The following RBFOX1 variants were observed in gnomAD, a reference collection of about 807,000 sequenced individuals.
RBFOX1 encodes the protein RNA binding fox-1 homolog 1.
Under a neutral mutation model 57.7 loss-of-function variants are expected in RBFOX1, and 8 were observed. That is an observed-to-expected ratio of 0.14 (90% CI 0.08 to 0.25). RBFOX1 has a LOEUF of 0.25. Ranked by LOEUF, RBFOX1 falls within the 10% of genes least tolerant of loss-of-function variation. RBFOX1 has a pLI of 1.00. For synonymous variants in RBFOX1, 326 were observed against 222.4 expected, an observed-to-expected ratio of 1.47 and a Z score of -4.15; for missense variants, 611 against 548.5, an observed-to-expected ratio of 1.11 and a Z score of -1.14.
At chr16:6,479,921 G>T (rs1408812905) in intron 2 of RBFOX1, among the ~76,000 whole-genome samples, 2 of 151,344 alleles carry the variant, frequency 1.3e-5, no homozygotes, top group African/African-American at 2.4e-5. Context: ...CATGGTGGCG[G>T]GTACCTATGA....
chr16:6,704,562 C>CA (rs1172504069), intron 3 of RBFOX1: 2 of 152,212 alleles, frequency 1.3e-5, no homozygotes, highest in African/African-American at 4.8e-5. Context: ...GCAGGCATAC[C>CA]AGACTGTTTA....
chr16:7,075,634 G>A (rs1374155639), intron 4 of RBFOX1, among the ~76,000 whole-genome samples: 1 of 152,054 alleles, frequency 6.6e-6, no homozygotes, highest in East Asian at 1.9e-4. Flanking sequence ...AGGCTGGAGT[G>A]CAGTGGTGCG....
At chr16:7,009,498 T>G (rs571759417) in intron 3 of RBFOX1, among the ~76,000 whole-genome samples, 1 of 152,146 alleles carries the variant, frequency 6.6e-6, no homozygotes, top group South Asian at 2.1e-4. Context: ...AGGAGAAGAT[T>G]AATCAATCCA....
At chr16:7,607,393 C>A in intron 10 of RBFOX1, 55 bp downstream of exon 10, 3 of 1,498,804 alleles carry the variant, frequency 2.0e-6, no homozygotes, top group Admixed American at 1.8e-5. Context: ...ATGTGCTTTG[C>A]CTGCCAAGAA....
At chr16:6,821,205 C>T (rs1024674593) in intron 3 of RBFOX1, among the ~76,000 whole-genome samples, 2 of 152,122 alleles carry the variant, frequency 1.3e-5, no homozygotes, top group African/African-American at 4.8e-5. Flanking sequence ...GCTAGAAGTC[C>T]AGTCATGGCC....
chr16:6,516,519 C>CT (rs1442203528), intron 2 of RBFOX1, among the ~76,000 whole-genome samples: 1 of 152,154 alleles, frequency 6.6e-6, no homozygotes, highest in African/African-American at 2.4e-5. Context: ...AGAGGAAAAA[C>CT]TCCTCAAACA....
At chr16:7,693,327 C>T (rs1161624129) in intron 14 of RBFOX1, 1 of 1,612,586 alleles carries the variant, frequency 6.2e-7, no homozygotes, top group Non-Finnish European at 8.5e-7. Context: ...ATCAGTTCGT[C>T]TTCGTTGCAG....
intron 3 of RBFOX1, among the ~76,000 whole-genome samples, chr16:7,029,069 TATATATATATATAC>T (rs1272453217): frequency 1.1e-4 from 6 of 55,602 alleles, no homozygotes; most frequent in African/African-American, 4.2e-4. Context: ...TATATATATA[TATATATATATATAC>T]ACACACACAC....
chr16:5,734,481 C>T (rs574278511), intron 3 of RBFOX1, among the ~76,000 whole-genome samples: 3 of 152,156 alleles, frequency 2.0e-5, no homozygotes, highest in Non-Finnish European at 4.4e-5. Context: ...ATGCTTTAAT[C>T]CCCTCTGAAA....
intron 2 of RBFOX1, among the ~76,000 whole-genome samples, chr16:5,550,424 G>C (rs552999718): frequency 2.6e-5 from 4 of 152,174 alleles, no homozygotes; most frequent in Non-Finnish European, 4.4e-5. Flanking sequence ...TTACCGCTCT[G>C]TTGGATCCAT....
At chr16:6,844,511 C>T (rs12929973) in intron 3 of RBFOX1, among the ~76,000 whole-genome samples, 6,273 of 152,128 alleles carry the variant, frequency 0.041, 214 homozygotes, top group Non-Finnish European at 0.055. Context: ...GAAGATATGA[C>T]CTTATTCTTT....
At chr16:5,479,141 G>T (rs543796511) in intron 2 of RBFOX1, among the ~76,000 whole-genome samples, 1 of 152,104 alleles carries the variant, frequency 6.6e-6, no homozygotes, top group African/African-American at 2.4e-5. Flanking sequence ...TTTAAATGTC[G>T]CCTTTGCAGA....
intron 3 of RBFOX1, among the ~76,000 whole-genome samples, chr16:5,605,626 G>C (rs1454138381): frequency 1.3e-5 from 2 of 152,104 alleles, no homozygotes; most frequent in East Asian, 1.9e-4. Flanking sequence ...GTCTAGGAGG[G>C]GAGAGTGGTG....
chr16:6,991,312 G>A (rs1298735136), intron 3 of RBFOX1, among the ~76,000 whole-genome samples: 1 of 151,866 alleles, frequency 6.6e-6, no homozygotes. Context: ...AACAAAAGTT[G>A]GCTATTTCTG....
chr16:5,928,740 G>A (rs1013954218), intron 4 of RBFOX1, among the ~76,000 whole-genome samples: 9 of 151,206 alleles, frequency 6.0e-5, no homozygotes, highest in Non-Finnish European at 1.2e-4. Flanking sequence ...TGCGTTCTTG[G>A]CTGCCTCAAT....
intron 3 of RBFOX1, among the ~76,000 whole-genome samples, chr16:5,848,506 G>A (rs2056812090): frequency 6.6e-6 from 1 of 152,122 alleles, no homozygotes; most frequent in African/African-American, 2.4e-5. Context: ...TTAAGAGACT[G>A]GCCTAGTTTG....
At chr16:5,314,559 G>A (rs552659583) in intron 1 of RBFOX1, among the ~76,000 whole-genome samples, 1 of 152,290 alleles carries the variant, frequency 6.6e-6, no homozygotes, top group South Asian at 2.1e-4. Flanking sequence ...GGCGTGCAGT[G>A]GTGCAATCAC....
chr16:5,301,635 A>AG lies in RBFOX1; in HGVS notation c.219+61530_219+61531insG, dbSNP rs1178715032. 5.7e-3 allele frequency among the ~76,000 whole-genome samples: 815 copies of AG among 142,020 alleles called. 9 individuals are homozygous for AG. The highest frequency in any genetic ancestry group is 0.023 in the African/African-American group (770 of 32,850). The allele number at this position is 142,020 out of a possible 152,430, so 93.2% of individuals were successfully genotyped here. A position where few individuals can be genotyped will look rare whatever the true frequency, so the allele number is the denominator to read the frequency against. On this transcript the variant is annotated intron_variant, in intron 1 of 2. Transcript: ENST00000585867. ...CTCCATCTCAAAAAAAAAAAAAAAA[A>AG]AAACACACAAAAACAAAAAACTGAG...
At chr16:6,737,645 G>A (rs1190295534) in intron 3 of RBFOX1, among the ~76,000 whole-genome samples, 1 of 152,188 alleles carries the variant, frequency 6.6e-6, no homozygotes, top group East Asian at 1.9e-4. Context: ...TGGGAAGAGT[G>A]AAGAGTGTTA....
Sources: allele counts gnomAD v4.1 joint callset (sites outside exome capture counted in the v4.1 genomes callset), GRCh38; gene constraint gnomAD v4.1.1; transcripts MANE v1.5; gene names NCBI Gene and HGNC (gene_info 2026-07-23, HGNC 2026-07-21).